Variants in SLC9A9 observed in about 807,000 individuals in gnomAD.
The protein encoded by SLC9A9 is sodium/hydrogen exchanger 9.
A neutral mutation model predicts 77.8 loss-of-function variants in SLC9A9; 62 were observed. The ratio of observed to expected loss-of-function variants is 0.80; its 90% CI spans 0.65 to 0.98. The LOEUF (loss-of-function observed/expected upper bound fraction) is 0.98. Among genes scored for constraint, SLC9A9 ranks in the 50% least tolerant of loss-of-function variants. The pLI is 0.00. For synonymous variants in SLC9A9, 320 were observed against 283.5 expected, an observed-to-expected ratio of 1.13 and a Z score of -1.29; for missense variants, 775 against 774.9, an observed-to-expected ratio of 1.00 and a Z score of 0.00.
intron 4 of SLC9A9, among the ~76,000 whole-genome samples, chr3:143,782,859 T>G (rs2007925973): frequency 6.6e-6 from 1 of 152,136 alleles, no homozygotes; most frequent in Non-Finnish European, 1.5e-5. Context: ...GAGGCCCAAA[T>G]TGTGATATAT....
chr3:143,800,949 C>T lies in SLC9A9; in HGVS notation c.379-4046G>A, dbSNP rs540742519. 2.0e-5 allele frequency among the ~76,000 whole-genome samples: 3 copies of T among 152,258 alleles called. No homozygotes were observed. The East Asian group carries it at 5.8e-4, about 29-fold the overall frequency. On this transcript the variant is annotated intron_variant, in intron 2 of 15. Coordinates refer to ENST00000316549, the MANE Select transcript of SLC9A9 (RefSeq NM_173653.4). ...TTGTGTCCAAACTGATCTCTCAAAC[C>T]CCAACACCTTCTACAAAACAACAAC...
At chr3:143,425,837 G>A (rs2034394547) in intron 12 of SLC9A9, among the ~76,000 whole-genome samples, 1 of 152,118 alleles carries the variant, frequency 6.6e-6, no homozygotes, top group African/African-American at 2.4e-5. Context: ...AATGACTGTT[G>A]CTAACATGAC....
chr3:143,363,430 A>C (rs2032807943), intron 14 of SLC9A9, 54 bp downstream of exon 14: 1 of 1,532,620 alleles, frequency 6.5e-7, no homozygotes, highest in Non-Finnish European at 9.0e-7. Context: ...TAAGAGCTTA[A>C]AGTAATTCTC....
chr3:143,791,012 T>C (rs182475216), intron 4 of SLC9A9, among the ~76,000 whole-genome samples: 57 of 152,340 alleles, frequency 3.7e-4, no homozygotes, highest in African/African-American at 9.1e-4. Context: ...GTCATTGTGA[T>C]ATATTGGCAT....
At chr3:143,685,432 C>A (rs1933232309) in intron 5 of SLC9A9, among the ~76,000 whole-genome samples, 1 of 151,972 alleles carries the variant, frequency 6.6e-6, no homozygotes, top group Non-Finnish European at 1.5e-5. Flanking sequence ...TGGATTAATT[C>A]TCTAGGAGGA....
chr3:143,848,459 G>T lies in SLC9A9; in HGVS notation c.-137C>A. On this transcript the variant is annotated 5_prime_UTR_variant, in exon 1 of 16. Coordinates refer to ENST00000316549, the MANE Select transcript of SLC9A9 (RefSeq NM_173653.4). Reference sequence around the variant, plus strand: ...TTAGTTGCTACTTCACAAGCATTCTGCCCTGGCTTAGTATTCAGATGGCTT... The same window carrying T: ...TTAGTTGCTACTTCACAAGCATTCTTCCCTGGCTTAGTATTCAGATGGCTT... The T allele has an allele frequency of 8.9e-7, 1 of 1,122,096 alleles. No individual in the cohort carries two copies. The highest frequency in any genetic ancestry group is 1.3e-6 in the Non-Finnish European group (1 of 759,218). 69.5% of individuals were successfully genotyped at this position (1,122,096 alleles called of 1,614,324 possible).
intron 12 of SLC9A9, among the ~76,000 whole-genome samples, chr3:143,429,309 T>A (rs1228142752): frequency 1.3e-5 from 2 of 152,168 alleles, no homozygotes; most frequent in African/African-American, 4.8e-5. Context: ...AGGAACTGAA[T>A]CAAATGGTAA....
At chr3:143,726,217 C>T (rs1934648757) in intron 4 of SLC9A9, among the ~76,000 whole-genome samples, 2 of 144,756 alleles carry the variant, frequency 1.4e-5, no homozygotes, top group South Asian at 2.2e-4. Context: ...CACATGCACC[C>T]CTGAACTTAA....
intron 1 of SLC9A9, among the ~76,000 whole-genome samples, chr3:143,838,314 A>T (rs1195475423): frequency 1.3e-5 from 2 of 152,230 alleles, no homozygotes; most frequent in African/African-American, 4.8e-5. Context: ...CAAGGAGCCC[A>T]GCGTCAATGA....
chr3:143,521,633 T>C (rs1421639470), intron 9 of SLC9A9, among the ~76,000 whole-genome samples: 2 of 152,142 alleles, frequency 1.3e-5, no homozygotes, highest in Non-Finnish European at 1.5e-5. Context: ...TTCTTTTGTA[T>C]TGATTAATTT....
intron 7 of SLC9A9, among the ~76,000 whole-genome samples, chr3:143,578,226 C>T (rs2037394467): frequency 6.6e-6 from 1 of 152,188 alleles, no homozygotes; most frequent in Non-Finnish European, 1.5e-5. Flanking sequence ...TTGTCTTATT[C>T]TTGACCCTGG....
Position 143,442,003 on chromosome 3 carries a change from C to T in SLC9A9, c.1469+25034G>A, listed in dbSNP as rs373242196. On this transcript the variant is annotated intron_variant, in intron 12 of 15. Coordinates refer to ENST00000316549, the MANE Select transcript of SLC9A9 (RefSeq NM_173653.4). ...CCCATACCCTTATTACCCATTCATC[C>T]TTCCACCCACCCATCAGCCCAACCA... 4.6e-5 allele frequency among the ~76,000 whole-genome samples: 7 copies of T among 152,098 alleles called. No individual in the cohort carries two copies. The South Asian group carries it at 1.0e-3, about 23-fold the overall frequency.
intron 12 of SLC9A9, among the ~76,000 whole-genome samples, chr3:143,414,960 G>C (rs1293235955): frequency 6.6e-6 from 1 of 152,186 alleles, no homozygotes; most frequent in Non-Finnish European, 1.5e-5. Context: ...CTACTCCTGG[G>C]AACACACCGA....
At chr3:143,528,856 T>C (rs1291746959) in intron 9 of SLC9A9, among the ~76,000 whole-genome samples, 2 of 151,934 alleles carry the variant, frequency 1.3e-5, no homozygotes, top group African/African-American at 4.8e-5. Context: ...GTGCCAGGCA[T>C]CAGACTATCT....
chr3:143,530,700 G>GT (rs1287612829), intron 9 of SLC9A9, among the ~76,000 whole-genome samples: 5 of 152,024 alleles, frequency 3.3e-5, no homozygotes, highest in Non-Finnish European at 7.4e-5. Context: ...TATTCAAATA[G>GT]TTTTTGCAAC....
intron 6 of SLC9A9, among the ~76,000 whole-genome samples, chr3:143,597,014 A>G (rs548973752): frequency 3.8e-4 from 57 of 151,890 alleles, no homozygotes; most frequent in Non-Finnish European, 7.2e-4. Flanking sequence ...TTTTTCTTCT[A>G]TGTTCCTCTT....
intron 6 of SLC9A9, among the ~76,000 whole-genome samples, chr3:143,582,257 T>C (rs1429997250): frequency 3.3e-5 from 5 of 152,210 alleles, no homozygotes; most frequent in Non-Finnish European, 7.3e-5. Flanking sequence ...AGTTACTGCA[T>C]ATTCAGAATC....
chr3:143,837,593 A>G (rs1430975958), intron 1 of SLC9A9, among the ~76,000 whole-genome samples: 2 of 152,134 alleles, frequency 1.3e-5, no homozygotes, highest in Non-Finnish European at 2.9e-5. Context: ...CGCCAGCCCA[A>G]TGTCTATCCT....
intron 4 of SLC9A9, among the ~76,000 whole-genome samples, chr3:143,714,314 C>G (rs1268800715): frequency 6.6e-6 from 1 of 152,140 alleles, no homozygotes; most frequent in Admixed American, 6.6e-5. Context: ...TGGCATTATT[C>G]CAGTGTCTCT....
Sources: allele counts gnomAD v4.1 joint callset (sites outside exome capture counted in the v4.1 genomes callset), GRCh38; gene constraint gnomAD v4.1.1; transcripts MANE v1.5; gene names NCBI Gene and HGNC (gene_info 2026-07-23, HGNC 2026-07-21).